RIMS3: variants seen among roughly 807,000 people sequenced by gnomAD.
RIMS3 encodes the protein regulating synaptic membrane exocytosis protein 3.
A neutral mutation model predicts 29.2 loss-of-function variants in RIMS3; 15 were observed. The ratio of observed to expected loss-of-function variants is 0.51; its 90% confidence interval spans 0.34 to 0.79. The LOEUF is 0.79. RIMS3 is among the 30% of genes least tolerant of loss of function. The pLI is 0.01. For synonymous variants in RIMS3, 161 were observed against 170.1 expected, an observed-to-expected ratio of 0.95 and a Z score of 0.41; for missense variants, 342 against 421.4, an observed-to-expected ratio of 0.81 and a Z score of 1.65.
intron 5 of RIMS3, among the ~76,000 whole-genome samples, chr1:40,632,731 T>A (rs1570173522): frequency 1.3e-5 from 2 of 151,948 alleles, no homozygotes; most frequent in South Asian, 4.2e-4. Context: ...GGAAAAGCGA[T>A]AAGAAAATTA....
intron 1 of RIMS3, among the ~76,000 whole-genome samples, chr1:40,650,863 CAAAAAAAAA>C (rs58578342): frequency 0.38 from 24,629 of 64,276 alleles, 3,100 homozygotes; most frequent in Middle Eastern, 0.55. Context: ...CAGACTCTGT[CAAAAAAAAA>C]AAAAAAAAAA....
At chr1:40,646,151 G>T (rs1368668913) in intron 2 of RIMS3, among the ~76,000 whole-genome samples, 1 of 152,212 alleles carries the variant, frequency 6.6e-6, no homozygotes, top group Non-Finnish European at 1.5e-5. Flanking sequence ...ATCTCTAAAA[G>T]TCCTTTTGAC....
At chr1:40,661,406 T>C (rs1224344798) in intron 1 of RIMS3, among the ~76,000 whole-genome samples, 1 of 152,064 alleles carries the variant, frequency 6.6e-6, no homozygotes, top group Non-Finnish European at 1.5e-5. Context: ...CCCTACCCGA[T>C]TTGTGGGGCT....
intron 4 of RIMS3, among the ~76,000 whole-genome samples, chr1:40,633,894 T>C (rs1395889472): frequency 2.6e-5 from 4 of 152,194 alleles, no homozygotes; most frequent in Admixed American, 2.0e-4. Flanking sequence ...AAAGGTAAAA[T>C]TGCCTTGCCT....
intron 1 of RIMS3, among the ~76,000 whole-genome samples, chr1:40,659,464 C>T (rs1164450289): frequency 6.6e-6 from 1 of 152,126 alleles, no homozygotes; most frequent in African/African-American, 2.4e-5. Context: ...CTGGAAAAGG[C>T]AGGCCTGGAG....
In RIMS3 at chr1:40,635,864, G is replaced by A; in HGVS notation, c.359+52C>T. On this transcript the variant is annotated intron_variant, in intron 4 of 7. Coordinates refer to ENST00000372684, the MANE Select transcript of RIMS3 (RefSeq NM_014747.3). This position sits in a 1 kb window ranked among gnomAD's most constrained non-coding sequence, Gnocchi z 4.1. ...TTCCCACCCTGCCCAGTGGCTCTGT[G>A]ACTGGAGGACCGAGGAGGAGGGAGG... is the stretch of plus-strand genomic sequence containing the variant. 1 of 1,597,118 alleles carries A rather than the reference G, an allele frequency of 6.3e-7. No homozygotes were observed. Among genetic ancestry groups the A allele is most frequent in the Non-Finnish European group, 8.5e-7 (1 of 1,169,928 alleles).
At chr1:40,691,776 C>G in the RIMS3 span, 4 of 453,878 alleles carry the variant, frequency 8.8e-6, no homozygotes, top group Admixed American at 9.5e-5. Context: ...CGCACACTTC[C>G]CCCTCCCCTC....
the RIMS3 span, among the ~76,000 whole-genome samples, chr1:40,682,741 C>CTTTTTTTTTTTTTTCTTTTTTTTTTTTT: frequency 1.3e-5 from 1 of 77,514 alleles, no homozygotes; most frequent in Non-Finnish European, 2.5e-5. Flanking sequence ...CTTTGCAGAT[C>CTTTTTTTTTTTTTTCTTTTTTTTTTTTT]TTTTTTTTTT....
intron 2 of RIMS3, among the ~76,000 whole-genome samples, chr1:40,643,192 C>T (rs1325447347): frequency 6.6e-6 from 1 of 151,870 alleles, no homozygotes; most frequent in East Asian, 1.9e-4. Context: ...CAGGCAGTGG[C>T]ACAATCTCGG....
chr1:40,626,677 A>G lies in RIMS3; in HGVS notation c.767T>C (p.Met256Thr). 2 of 1,614,210 alleles carry G rather than the reference A, an allele frequency of 1.2e-6. No homozygotes were observed. Among genetic ancestry groups the G allele is most frequent in the Non-Finnish European group, 1.7e-6 (2 of 1,180,026 alleles). Reference protein sequence around the residue: ...GRMDHKCFMGMAQIMLDELDL... With the variant: ...GRMDHKCFMGTAQIMLDELDL... Reference sequence around the variant, plus strand: ...CAGCTCGTCCAGCATGATCTGGGCCATGCCCATGAAGCACTTGTGGTCCAT... The same window carrying G: ...CAGCTCGTCCAGCATGATCTGGGCCGTGCCCATGAAGCACTTGTGGTCCAT... Residue 256 changes from methionine (M) to threonine (T), a missense_variant, in exon 8 of 8, where the codon ATG becomes ACG. Met to Thr is a moderately conservative substitution (Grantham distance 81). Coordinates refer to ENST00000372684, the MANE Select transcript of RIMS3 (RefSeq NM_014747.3).
chr1:40,673,041 G>A, the RIMS3 span, among the ~76,000 whole-genome samples: 563 of 152,154 alleles, frequency 3.7e-3, 3 homozygotes, highest in African/African-American at 0.013. Context: ...TTAGCGGAGC[G>A]TGGTGGCAGG....
At chr1:40,650,698 A>G (rs1237018433) in intron 1 of RIMS3, among the ~76,000 whole-genome samples, 2 of 146,442 alleles carry the variant, frequency 1.4e-5, no homozygotes, top group African/African-American at 5.0e-5. Context: ...CTCATCTCTA[A>G]AAAAAAAAAA....
At chr1:40,660,170 G>A (rs962678180) in intron 1 of RIMS3, among the ~76,000 whole-genome samples, 23 of 152,068 alleles carry the variant, frequency 1.5e-4, no homozygotes, top group African/African-American at 5.3e-4. Context: ...GGTGTGGGAC[G>A]GGAAGAGGGG....
intron 1 of RIMS3, among the ~76,000 whole-genome samples, chr1:40,652,189 G>A (rs79158712): frequency 0.059 from 9,058 of 152,262 alleles, 360 homozygotes; most frequent in Non-Finnish European, 0.09. Context: ...TGGCACTGGA[G>A]AATACCACTA....
intron 1 of RIMS3, among the ~76,000 whole-genome samples, chr1:40,652,870 G>A (rs1229207845): frequency 6.6e-6 from 1 of 152,230 alleles, no homozygotes; most frequent in Non-Finnish European, 1.5e-5. Flanking sequence ...AGGAAGAAGG[G>A]CTGCACTGCT....
chr1:40,643,418 C>A (rs950751765), intron 2 of RIMS3, among the ~76,000 whole-genome samples: 1 of 151,978 alleles, frequency 6.6e-6, no homozygotes, highest in African/African-American at 2.4e-5. Context: ...TAGACATGAG[C>A]CACCGGGCCT....
chr1:40,658,652 T>C (rs886651215), intron 1 of RIMS3, among the ~76,000 whole-genome samples: 3 of 152,196 alleles, frequency 2.0e-5, no homozygotes, highest in African/African-American at 7.2e-5. Context: ...TCTCTCTCCA[T>C]GTGGCTGAAA....
chr1:40,685,824 A>G, the RIMS3 span, among the ~76,000 whole-genome samples: 2 of 152,106 alleles, frequency 1.3e-5, no homozygotes, highest in Non-Finnish European at 2.9e-5. Flanking sequence ...ATGAAGAAGG[A>G]TAAATTCTAC....
rs557145528 is a variant in RIMS3 at position 40,661,990 on chromosome 1, G to GTTCCC, written c.-207+3399_-207+3403dup. ...CTGGGGCCAGCCACATAAACAACCGGTTCCCTGGGACCGAGGCTGCTGCAC... is the reference window on the plus strand; with the variant it reads ...CTGGGGCCAGCCACATAAACAACCGGTTCCCTTCCCTGGGACCGAGGCTGCTGCAC... On this transcript the variant is annotated intron_variant, in intron 1 of 7. Transcript: ENST00000372684. Among the ~76,000 whole-genome samples, 92 of 152,328 alleles carry GTTCCC rather than the reference G, an allele frequency of 6.0e-4. 1 individual carries two copies. The highest frequency in any genetic ancestry group is 2.1e-3 in the African/African-American group (88 of 41,586).
Sources: allele counts gnomAD v4.1 joint callset (sites outside exome capture counted in the v4.1 genomes callset), GRCh38; gene constraint gnomAD v4.1.1; non-coding constraint Gnocchi (gnomAD v3.1); transcripts MANE v1.5; gene names NCBI Gene and HGNC (gene_info 2026-07-23, HGNC 2026-07-21).